Variants in ASPRV1 observed in about 807,000 individuals in gnomAD.
ASPRV1 encodes the protein retroviral-like aspartic protease 1.
ASPRV1 carries 7 observed loss-of-function variants against 11.0 expected under a neutral mutation model. The ratio of observed to expected loss-of-function variants is 0.64; its 90% CI spans 0.36 to 1.20. The LOEUF (loss-of-function observed/expected upper bound fraction) is 1.20. ASPRV1 is among the 50% of genes most tolerant of loss of function. The pLI, the probability that ASPRV1 is intolerant of heterozygous loss-of-function variation, is 0.02. For missense variants in ASPRV1, 299 were observed against 320.0 expected (o/e 0.93, Z 0.50); for synonymous variants, 136 against 138.4 (o/e 0.98, Z 0.12).
the ASPRV1 span, chr2:70,050,625 ACT>A: frequency 6.6e-6 from 1 of 152,150 alleles, no homozygotes; most frequent in Non-Finnish European, 1.5e-5. Context: ...CGACATGTTA[ACT>A]CTTACAAATT....
the ASPRV1 span, among the ~76,000 whole-genome samples, chr2:70,054,987 T>C: frequency 2.0e-5 from 3 of 152,112 alleles, no homozygotes; most frequent in African/African-American, 4.8e-5. Context: ...ATCACATTTA[T>C]AAGGTGAAGC....
the ASPRV1 span, among the ~76,000 whole-genome samples, chr2:69,987,879 C>T: frequency 2.6e-5 from 4 of 152,188 alleles, no homozygotes; most frequent in Non-Finnish European, 4.4e-5. Flanking sequence ...GGAGAGTGCC[C>T]AGGTACAGCT....
At chr2:69,959,322 T>C (rs983041257), downstream of ASPRV1, among the ~76,000 whole-genome samples, 2 of 152,184 alleles carry the variant, frequency 1.3e-5, no homozygotes, top group African/African-American at 4.8e-5. Context: ...GAGAACAGGC[T>C]CGCCCGATGT....
the ASPRV1 span, chr2:69,975,565 A>T: frequency 1.3e-4 from 20 of 152,408 alleles, no homozygotes; most frequent in African/African-American, 3.1e-4. Flanking sequence ...TTGCCTAGAG[A>T]GAGAGGCGAA....
At chr2:69,951,674 T>A in the ASPRV1 span, among the ~76,000 whole-genome samples, 1 of 151,186 alleles carries the variant, frequency 6.6e-6, no homozygotes, top group African/African-American at 2.4e-5. Flanking sequence ...CTTTTGCAAT[T>A]AAAAAAAATA....
the ASPRV1 span, among the ~76,000 whole-genome samples, chr2:69,996,214 C>CAAAAAA: frequency 1.5e-4 from 8 of 53,876 alleles, no homozygotes; most frequent in Non-Finnish European, 1.6e-4. Flanking sequence ...CCCCATCTCT[C>CAAAAAA]AAAAAAAAAA....
At chr2:69,985,301 G>C in the ASPRV1 span, among the ~76,000 whole-genome samples, 109 of 151,906 alleles carry the variant, frequency 7.2e-4, no homozygotes, top group African/African-American at 2.4e-3. Flanking sequence ...AGATTGCTGA[G>C]TTAGCCACAC....
chr2:69,955,492 AG>A (rs1677917133), downstream of ASPRV1, among the ~76,000 whole-genome samples: 1 of 152,194 alleles, frequency 6.6e-6, no homozygotes, highest in Non-Finnish European at 1.5e-5. Context: ...GATCTGAATG[AG>A]TGGGCGCTCC....
chr2:70,033,377 G>A, the ASPRV1 span, among the ~76,000 whole-genome samples: 1 of 151,990 alleles, frequency 6.6e-6, no homozygotes, highest in East Asian at 1.9e-4. Flanking sequence ...TGAAAAGACT[G>A]AGGGGTTATT....
the ASPRV1 span, among the ~76,000 whole-genome samples, chr2:70,078,048 T>C: frequency 2.6e-5 from 4 of 151,292 alleles, no homozygotes; most frequent in Non-Finnish European, 5.9e-5. Flanking sequence ...ACGCCTGTAA[T>C]CCCAGCTACT....
chr2:70,022,654 C>T, the ASPRV1 span, among the ~76,000 whole-genome samples: 3 of 151,948 alleles, frequency 2.0e-5, no homozygotes, highest in Non-Finnish European at 2.9e-5. Flanking sequence ...CGCACCACTG[C>T]ACTCCAGCCT....
chr2:69,966,884 G>C, the ASPRV1 span, among the ~76,000 whole-genome samples: 1 of 152,196 alleles, frequency 6.6e-6, no homozygotes, highest in South Asian at 2.1e-4. Context: ...GGCGGCGACA[G>C]AGAGGGGGTA....
At chr2:69,937,082 C>T in the ASPRV1 span, 3 of 991,268 alleles carry the variant, frequency 3.0e-6, no homozygotes, top group East Asian at 2.4e-5. Context: ...ACTGGCCAGT[C>T]GACTTCCTGT....
the ASPRV1 span, among the ~76,000 whole-genome samples, chr2:70,038,043 T>A: frequency 6.6e-6 from 1 of 152,224 alleles, no homozygotes; most frequent in Non-Finnish European, 1.5e-5. Context: ...GTTTTTCATT[T>A]GTCCACAACA....
At chr2:70,034,468 G>A in the ASPRV1 span, among the ~76,000 whole-genome samples, 3 of 152,148 alleles carry the variant, frequency 2.0e-5, no homozygotes, top group East Asian at 5.8e-4. Flanking sequence ...CTACTCAGGA[G>A]GCTGAGGCAG....
At chr2:70,055,817 G>A in the ASPRV1 span, 19 of 152,108 alleles carry the variant, frequency 1.2e-4, no homozygotes, top group African/African-American at 4.1e-4. Context: ...GATAGCACAT[G>A]CCCGTAATCC....
the ASPRV1 span, among the ~76,000 whole-genome samples, chr2:70,000,005 A>G: frequency 6.6e-6 from 1 of 152,118 alleles, no homozygotes; most frequent in Non-Finnish European, 1.5e-5. Context: ...TCATCCTGCC[A>G]CATCTGCACT....
the ASPRV1 span, among the ~76,000 whole-genome samples, chr2:69,946,145 A>G: frequency 1.3e-5 from 2 of 152,116 alleles, no homozygotes; most frequent in African/African-American, 4.8e-5. Context: ...AGAACATCCA[A>G]CACACTCGCC....
chr2:70,000,814 A>AAAAG, the ASPRV1 span, among the ~76,000 whole-genome samples: 23 of 147,214 alleles, frequency 1.6e-4, no homozygotes, highest in African/African-American at 2.8e-4. Flanking sequence ...AAAAAAAAAA[A>AAAAG]AAAGAAAGAA....
Sources: gnomAD v4.1 joint callset for allele counts (sites outside exome capture counted in the v4.1 genomes callset) on GRCh38, gnomAD v4.1.1 for gene constraint, MANE v1.5 for transcripts, NCBI Gene and HGNC (gene_info 2026-07-23, HGNC 2026-07-21) for gene names.